Variants in KCNN2 observed in about 807,000 individuals in gnomAD.
KCNN2 encodes the protein potassium calcium-activated channel subfamily N member 2.
A neutral mutation model predicts 55.5 loss-of-function variants in KCNN2; 24 were observed. The observed-to-expected ratio is 0.43, with a 90% CI of 0.31 to 0.61. The LOEUF is 0.61. Among genes scored for constraint, KCNN2 ranks in the 20% least tolerant of loss-of-function variants. The pLI is 0.08. For missense variants in KCNN2, 754 were observed against 853.6 expected (o/e 0.88, Z 1.45); for synonymous variants, 431 against 336.1 (o/e 1.28, Z -3.09).
intron 1 of KCNN2, among the ~76,000 whole-genome samples, chr5:114,102,688 T>C (rs1040892514): frequency 3.3e-5 from 5 of 152,334 alleles, no homozygotes; most frequent in African/African-American, 1.2e-4. Flanking sequence ...ACTTATTAAA[T>C]AGGGAATCCT....
intron 5 of KCNN2, among the ~76,000 whole-genome samples, chr5:114,481,952 C>A (rs1416205704): frequency 6.6e-6 from 1 of 152,078 alleles, no homozygotes; most frequent in African/African-American, 2.4e-5. Context: ...CTAGGCAGTA[C>A]CATTCAGGAC....
intron 1 of KCNN2, among the ~76,000 whole-genome samples, chr5:114,156,069 G>A (rs941950116): frequency 1.3e-5 from 2 of 152,142 alleles, no homozygotes; most frequent in Non-Finnish European, 2.9e-5. Context: ...ATGATGTAAG[G>A]AAGGGGTCTA....
intron 1 of KCNN2, among the ~76,000 whole-genome samples, chr5:114,199,314 T>C (rs1753621952): frequency 6.6e-6 from 1 of 152,236 alleles, no homozygotes; most frequent in Admixed American, 6.5e-5. Flanking sequence ...TATGTGTCTT[T>C]ATGGATAAGG....
intron 1 of KCNN2, among the ~76,000 whole-genome samples, chr5:114,063,618 G>A (rs979759163): frequency 1.3e-5 from 2 of 152,152 alleles, no homozygotes; most frequent in Non-Finnish European, 2.9e-5. Flanking sequence ...ACTCAGGTGA[G>A]GATAATGGAA....
chr5:114,060,952 C>T (rs1401316252), intron 1 of KCNN2, among the ~76,000 whole-genome samples: 1 of 152,208 alleles, frequency 6.6e-6, no homozygotes, highest in Non-Finnish European at 1.5e-5. Context: ...GGAGTAGTAG[C>T]CATTTTAGGC....
At chr5:114,406,321 C>T (rs1758932172) in intron 3 of KCNN2, among the ~76,000 whole-genome samples, 1 of 149,260 alleles carries the variant, frequency 6.7e-6, no homozygotes, top group African/African-American at 2.4e-5. Flanking sequence ...TAACTTTCTT[C>T]TGTGGAAGTC....
chr5:114,119,548 C>T (rs1049768317), intron 1 of KCNN2, among the ~76,000 whole-genome samples: 7 of 152,232 alleles, frequency 4.6e-5, no homozygotes, highest in East Asian at 3.9e-4. Flanking sequence ...CTGCTCATAT[C>T]GCAGGCCCCT....
chr5:114,191,832 G>C (rs886392476), intron 1 of KCNN2, among the ~76,000 whole-genome samples: 1 of 152,132 alleles, frequency 6.6e-6, no homozygotes, highest in Non-Finnish European at 1.5e-5. Flanking sequence ...TATCTGGATG[G>C]GTCACCAGAA....
At chr5:114,493,220 G>T in intron 6 of KCNN2, 183 bp from the exon 7 acceptor site, 1 of 667,462 alleles carries the variant, frequency 1.5e-6, no homozygotes, top group Non-Finnish European at 2.8e-6. Flanking sequence ...TTTCTTTTTT[G>T]CGGTGTTGGG....
intron 2 of KCNN2, among the ~76,000 whole-genome samples, chr5:114,257,621 G>A (rs1013672249): frequency 1.3e-5 from 2 of 151,952 alleles, no homozygotes; most frequent in Admixed American, 1.3e-4. Flanking sequence ...ATTGTAAATG[G>A]GATTGACTTC....
At chr5:114,365,948 A>T (rs1269793043) in intron 2 of KCNN2, among the ~76,000 whole-genome samples, 1 of 152,220 alleles carries the variant, frequency 6.6e-6, no homozygotes, top group Non-Finnish European at 1.5e-5. Flanking sequence ...GCTGGTATTA[A>T]CATCAAAAAC....
chr5:114,077,990 T>C (rs1035979029), intron 1 of KCNN2, among the ~76,000 whole-genome samples: 10 of 152,312 alleles, frequency 6.6e-5, no homozygotes, highest in Admixed American at 5.2e-4. Flanking sequence ...GGGCATAGTC[T>C]TTGATTATGT....
intron 1 of KCNN2, among the ~76,000 whole-genome samples, chr5:114,165,578 A>G (rs1262087612): frequency 6.6e-6 from 1 of 152,100 alleles, no homozygotes; most frequent in Non-Finnish European, 1.5e-5. Flanking sequence ...TCTCTCTGTA[A>G]GATATTAAAA....
chr5:114,463,010 A>T (rs536546555), intron 3 of KCNN2, 39 bp from the exon 4 acceptor site: 1 of 1,592,116 alleles, frequency 6.3e-7, no homozygotes, highest in Admixed American at 1.7e-5. Context: ...CATATTGGAG[A>T]TTAATTATAA....
intron 1 of KCNN2, among the ~76,000 whole-genome samples, chr5:114,190,787 A>G (rs573306462): frequency 2.4e-4 from 37 of 152,322 alleles, no homozygotes; most frequent in African/African-American, 8.7e-4. Context: ...TTGAAATAAG[A>G]GAAAAACATT....
chr5:114,290,527 T>G (rs942530729), intron 2 of KCNN2, among the ~76,000 whole-genome samples: 2 of 152,126 alleles, frequency 1.3e-5, no homozygotes, highest in Non-Finnish European at 2.9e-5. Context: ...TCATTGATTT[T>G]TTTAAAGGAA....
intron 1 of KCNN2, among the ~76,000 whole-genome samples, chr5:114,166,163 T>C (rs1752907414): frequency 6.6e-6 from 1 of 152,126 alleles, no homozygotes; most frequent in Admixed American, 6.6e-5. Flanking sequence ...GTGCTGCTTA[T>C]CAAACTTAAT....
chr5:114,282,017 G>T (rs1370448759), intron 2 of KCNN2, among the ~76,000 whole-genome samples: 1 of 152,002 alleles, frequency 6.6e-6, no homozygotes, highest in Non-Finnish European at 1.5e-5. Flanking sequence ...ACACTTGTAT[G>T]TAAATGCTTT....
chr5:114,130,543 G>C (rs144819321), intron 1 of KCNN2, among the ~76,000 whole-genome samples: 1 of 152,208 alleles, frequency 6.6e-6, no homozygotes, highest in Non-Finnish European at 1.5e-5. Flanking sequence ...CTGCTTGTTT[G>C]ACTATATGCC....
Sources: gnomAD v4.1 joint callset for allele counts (sites outside exome capture counted in the v4.1 genomes callset) on GRCh38, gnomAD v4.1.1 for gene constraint, MANE v1.5 for transcripts, NCBI Gene and HGNC (gene_info 2026-07-23, HGNC 2026-07-21) for gene names.